Variants in LAMC1 observed in about 807,000 individuals in gnomAD.
LAMC1 encodes laminin subunit gamma 1, also known as laminin subunit gamma-1.
A neutral mutation model predicts 173.6 loss-of-function variants in LAMC1; 38 were observed. That is an observed-to-expected ratio of 0.22 (90% CI 0.17 to 0.29). The LOEUF (loss-of-function observed/expected upper bound fraction) is 0.29. Among genes scored for constraint, LAMC1 ranks in the 10% least tolerant of loss-of-function variants. LAMC1 has a pLI of 1.00. For missense variants in LAMC1, 1,824 were observed against 2,051.8 expected, an observed-to-expected ratio of 0.89 and a Z score of 2.14; for synonymous variants, 746 against 749.1, an observed-to-expected ratio of 1.00 and a Z score of 0.07.
intron 3 of LAMC1, 150 bp downstream of exon 3, chr1:183,108,556 T>A: frequency 1.6e-6 from 1 of 612,046 alleles, no homozygotes; most frequent in Non-Finnish European, 2.7e-6. Context: ...TGATAATGCT[T>A]AGCTGAAAAG....
chr1:183,066,916 T>A (rs1316062468), intron 1 of LAMC1, among the ~76,000 whole-genome samples: 2 of 152,196 alleles, frequency 1.3e-5, no homozygotes. Context: ...TGTACCTATG[T>A]AACAAACCTG....
intron 1 of LAMC1, among the ~76,000 whole-genome samples, chr1:183,055,189 C>T (rs994596893): frequency 1.3e-5 from 2 of 151,506 alleles, no homozygotes; most frequent in Non-Finnish European, 2.9e-5. Flanking sequence ...GGGGTTTCAC[C>T]ATGTTGGCCA....
At chr1:183,128,847 C>A in intron 18 of LAMC1, 97 bp downstream of exon 18, 1 of 1,003,098 alleles carries the variant, frequency 1.0e-6, no homozygotes, top group Non-Finnish European at 1.4e-6. Flanking sequence ...AAAATTCTTT[C>A]TCAGTTTTTA....
chr1:183,032,861 G>A (rs571598832), intron 1 of LAMC1, among the ~76,000 whole-genome samples: 4 of 152,188 alleles, frequency 2.6e-5, no homozygotes, highest in Admixed American at 1.3e-4. Flanking sequence ...TCAGAGACAT[G>A]GTTAATGACC....
chr1:183,050,830 G>A (rs187229937), intron 1 of LAMC1, among the ~76,000 whole-genome samples: 110 of 145,052 alleles, frequency 7.6e-4, no homozygotes, highest in African/African-American at 2.8e-3. Context: ...GGTGGAGGTT[G>A]CAATGAGCCA....
At chr1:183,118,448 C>T (rs1018741550) in intron 11 of LAMC1, among the ~76,000 whole-genome samples, 7 of 152,166 alleles carry the variant, frequency 4.6e-5, no homozygotes, top group East Asian at 1.9e-4. Flanking sequence ...ATAGGCTAGG[C>T]GCAGTTGCTT....
intron 1 of LAMC1, among the ~76,000 whole-genome samples, chr1:183,097,556 A>G (rs949566585): frequency 6.6e-6 from 1 of 152,238 alleles, no homozygotes; most frequent in African/African-American, 2.4e-5. Flanking sequence ...TTTTCTGAGT[A>G]GCACATAACA....
intron 1 of LAMC1, among the ~76,000 whole-genome samples, chr1:183,101,889 C>T (rs10752897): frequency 0.47 from 71,543 of 151,982 alleles, 18,326 homozygotes; most frequent in East Asian, 0.61. Flanking sequence ...GAGAAATAGT[C>T]GGATATTGCT....
At chr1:183,082,575 T>A (rs1655306574) in intron 1 of LAMC1, among the ~76,000 whole-genome samples, 1 of 152,174 alleles carries the variant, frequency 6.6e-6, no homozygotes, top group Admixed American at 6.5e-5. Flanking sequence ...CTTCCCAATG[T>A]TTTCCCATCT....
rs528876090 is a variant in LAMC1, at chr1:183,071,092, G to GTTT, written c.419-32225_419-32223dup. The stretch of plus-strand genomic sequence containing the variant: ...AGGAAGCTGGGTTTTTTTTGTTTTT[G>GTTT]TTTTTTTTTTTTTGAGTCCCATTAA... On this transcript the variant is annotated intron_variant, in intron 1 of 27. Coordinates refer to ENST00000258341, the MANE Select transcript of LAMC1 (RefSeq NM_002293.4). Among the ~76,000 whole-genome samples, 81 of 139,168 alleles carry GTTT rather than the reference G, an allele frequency of 5.8e-4. 1 individual carries two copies. The highest frequency in any genetic ancestry group is 1.9e-3 in the South Asian group (8 of 4,298). The allele number at this position is 139,168 out of a possible 152,430, so 91.3% of individuals were successfully genotyped here. A position where few individuals can be genotyped will look rare whatever the true frequency, so the allele number is the denominator to read the frequency against.
At chr1:183,095,127 GAGCCACC>G (rs1365081724) in intron 1 of LAMC1, among the ~76,000 whole-genome samples, 4 of 152,138 alleles carry the variant, frequency 2.6e-5, no homozygotes, top group Non-Finnish European at 4.4e-5. Flanking sequence ...CTACAGGTGT[GAGCCACC>G]GCGCCCGGTG....
Position 183,144,047 on chromosome 1 carries a change from C to G in LAMC1, c.*1257C>G, listed in dbSNP as rs10911261. 0.029 allele frequency: 4,435 copies of G among 152,594 alleles called. 115 individuals carry two copies. Among genetic ancestry groups the G allele is most frequent in the Non-Finnish European group, 0.043 (2,928 of 68,008 alleles). The allele number at this position is 152,594 out of a possible 1,614,324, so 9.5% of individuals were successfully genotyped here. A position where few individuals can be genotyped will look rare whatever the true frequency, so the allele number is the denominator to read the frequency against. ...TCCCTCTAAGTGTAGAGGGAAGACC[C>G]TTACGTGGAGTTTCCTAGTGGGCTT... On this transcript the variant is annotated 3_prime_UTR_variant, in exon 28 of 28. Coordinates refer to ENST00000258341, the MANE Select transcript of LAMC1 (RefSeq NM_002293.4).
chr1:183,041,615 A>G (rs1247637395), intron 1 of LAMC1, among the ~76,000 whole-genome samples: 1 of 152,220 alleles, frequency 6.6e-6, no homozygotes, highest in Non-Finnish European at 1.5e-5. Flanking sequence ...AGATTTCTTA[A>G]TTCATTCATT....
chr1:183,047,043 A>G (rs1339475117), intron 1 of LAMC1, among the ~76,000 whole-genome samples: 1 of 152,152 alleles, frequency 6.6e-6, no homozygotes, highest in Non-Finnish European at 1.5e-5. Flanking sequence ...CTGTAAGGCC[A>G]TTTTAAGAAA....
At chr1:183,131,423 T>G in intron 20 of LAMC1, 45 bp downstream of exon 20, 2 of 1,125,174 alleles carry the variant, frequency 1.8e-6, no homozygotes. Flanking sequence ...TGGCTTCTGT[T>G]ATGGGGTGTG....
In LAMC1 at chr1:183,117,601, G is replaced by A; in HGVS notation, c.1755G>A (p.Arg585=). ...QNLSFSFRVD[R]RDTRLSAEDL... The stretch of plus-strand genomic sequence containing the variant: ...TCTCCTTCTCCTTTCGAGTGGACAG[G>A]CGAGATACTCGCCTCTCTGCAGAAG... Residue 585 remains arginine (R), a synonymous_variant, in exon 10 of 28, where the codon AGG becomes AGA. Transcript: ENST00000258341. 1 of 1,614,196 alleles carries A rather than the reference G, an allele frequency of 6.2e-7. No homozygotes were observed.
chr1:183,043,734 G>A (rs1232607116), intron 1 of LAMC1, among the ~76,000 whole-genome samples: 2 of 152,094 alleles, frequency 1.3e-5, no homozygotes, highest in Admixed American at 6.6e-5. Context: ...AGGGACATCC[G>A]TTCAATTTTT....
chr1:183,066,368 T>C (rs1401034299), intron 1 of LAMC1, among the ~76,000 whole-genome samples: 1 of 152,206 alleles, frequency 6.6e-6, no homozygotes, highest in Non-Finnish European at 1.5e-5. Context: ...GAGTGTAAAT[T>C]AGTTCAACCA....
chr1:183,117,233 G>T (rs1656347369), intron 8 of LAMC1, 87 bp from the exon 9 acceptor site: 1 of 1,416,332 alleles, frequency 7.1e-7, no homozygotes. Context: ...ACAAGGTGTG[G>T]TCTTACACAT....
Sources: allele counts gnomAD v4.1 joint callset (sites outside exome capture counted in the v4.1 genomes callset), GRCh38; gene constraint gnomAD v4.1.1; transcripts MANE v1.5; gene names NCBI Gene and HGNC (gene_info 2026-07-23, HGNC 2026-07-21).